LMBRD1: variants seen among roughly 807,000 people sequenced by gnomAD.
The protein encoded by LMBRD1 is LMBR1 domain containing 1.
LMBRD1 carries 64 observed loss-of-function variants against 74.8 expected under a neutral mutation model. The observed-to-expected ratio is 0.86, with a 90% CI of 0.70 to 1.05. The LOEUF (loss-of-function observed/expected upper bound fraction) is 1.05. Ranked by LOEUF, LMBRD1 falls within the 50% of genes least tolerant of loss-of-function variation. The pLI, the probability that LMBRD1 is intolerant of heterozygous loss-of-function variation, is 0.00. For missense variants in LMBRD1, 652 were observed against 645.9 expected, an observed-to-expected ratio of 1.01 and a Z score of -0.10; for synonymous variants, 204 against 216.3, an observed-to-expected ratio of 0.94 and a Z score of 0.50.
At chr6:69,696,165 G>A (rs944775722) in intron 14 of LMBRD1, among the ~76,000 whole-genome samples, 1 of 152,170 alleles carries the variant, frequency 6.6e-6, no homozygotes, top group Non-Finnish European at 1.5e-5. Flanking sequence ...TAACTAGAGT[G>A]TCATGCTAGA....
rs117213057 is a variant in LMBRD1, at chr6:69,789,645, C to T, written c.246+651G>A. ...ATGTATTATTAAGATAAATGAAAAACTATTTCATTCAAATATTTAAGTACT... is the reference window on the plus strand; with the variant it reads ...ATGTATTATTAAGATAAATGAAAAATTATTTCATTCAAATATTTAAGTACT... On this transcript the variant is annotated intron_variant, in intron 2 of 15. Transcript: ENST00000649934. Among the ~76,000 whole-genome samples the T allele has an allele frequency of 9.8e-4, 149 of 152,080 alleles. 1 individual carries two copies. The East Asian group carries it at 0.021, about 21-fold the overall frequency.
chr6:69,715,126 A>G (rs73485519), intron 8 of LMBRD1, among the ~76,000 whole-genome samples: 16,917 of 152,092 alleles, frequency 0.11, 2,639 homozygotes, highest in African/African-American at 0.35. Context: ...GAGTAATAAA[A>G]TGAACACTCC....
At chr6:69,706,968 T>A (rs1359332684) in intron 9 of LMBRD1, among the ~76,000 whole-genome samples, 1 of 152,190 alleles carries the variant, frequency 6.6e-6, no homozygotes, top group Non-Finnish European at 1.5e-5. Context: ...GCTCGAGGTC[T>A]CACAGGCCCA....
intron 3 of LMBRD1, among the ~76,000 whole-genome samples, chr6:69,774,958 GAA>G (rs1454417736): frequency 0.032 from 1,000 of 31,390 alleles, 39 homozygotes; most frequent in African/African-American, 0.11. Flanking sequence ...TGGAAGGAAG[GAA>G]GGAAGGAAGG....
chr6:69,758,096 G>C (rs1765304770), intron 3 of LMBRD1, among the ~76,000 whole-genome samples: 1 of 152,064 alleles, frequency 6.6e-6, no homozygotes, highest in Non-Finnish European at 1.5e-5. Context: ...CATATACGAA[G>C]CAACAATCTA....
chr6:69,765,430 G>T lies in LMBRD1; in HGVS notation c.308-13074C>A, dbSNP rs1765458324. Reference sequence around the variant, plus strand: ...AAATCAATTGACCATGAATATAAAGGTTTATTTTTGGACTCTGAATTTTAT... The same window carrying T: ...AAATCAATTGACCATGAATATAAAGTTTTATTTTTGGACTCTGAATTTTAT... On this transcript the variant is annotated intron_variant, in intron 3 of 15. Transcript: ENST00000649934. 3.3e-5 allele frequency among the ~76,000 whole-genome samples: 5 copies of T among 151,982 alleles called. No individual in the cohort carries two copies. The South Asian group carries it at 8.3e-4, about 25-fold the overall frequency.
intron 8 of LMBRD1, among the ~76,000 whole-genome samples, chr6:69,714,540 T>C (rs962919223): frequency 6.6e-6 from 1 of 152,076 alleles, no homozygotes; most frequent in South Asian, 2.1e-4. Flanking sequence ...AAAGGTAAAA[T>C]ATAAAATTGT....
Position 69,780,508 on chromosome 6 carries a change from A to C in LMBRD1, c.293T>G (p.Leu98Ter). ...AAGATACTTACTATAGTAACCGTATAATACAGTGTCCTCAATCTGTCTGCT... is the reference window on the plus strand; with the variant it reads ...AAGATACTTACTATAGTAACCGTATCATACAGTGTCCTCAATCTGTCTGCT... ...NVSRQIEDTV[L>*]YGYYTLYSVI... Residue 98 changes from leucine to a stop codon, truncating the protein, a stop_gained, in exon 3 of 16, where the codon TTA becomes TGA. Transcript: ENST00000649934. LOFTEE classifies it high-confidence loss of function. 1 of 1,609,056 alleles carries C rather than the reference A, an allele frequency of 6.2e-7. No individual in the cohort carries two copies. Among genetic ancestry groups the C allele is most frequent in the Non-Finnish European group, 8.5e-7 (1 of 1,175,444 alleles).
At chr6:69,742,514 GAATA>G in intron 5 of LMBRD1, among the ~76,000 whole-genome samples, 1 of 152,140 alleles carries the variant, frequency 6.6e-6, no homozygotes, top group Non-Finnish European at 1.5e-5. Context: ...GGAAACGATA[GAATA>G]AATAAATGTG....
intron 3 of LMBRD1, among the ~76,000 whole-genome samples, chr6:69,753,583 G>A (rs1765209282): frequency 6.6e-6 from 1 of 152,148 alleles, no homozygotes; most frequent in Admixed American, 6.5e-5. Flanking sequence ...TCTACTTCCA[G>A]GTGTATGCAC....
Position 69,776,633 on chromosome 6 carries a change from C to T in LMBRD1, c.307+3861G>A, listed in dbSNP as rs150716158. 3.9e-5 allele frequency among the ~76,000 whole-genome samples: 6 copies of T among 152,226 alleles called. No homozygotes were observed. The East Asian group carries it at 1.2e-3, about 29-fold the overall frequency. On this transcript the variant is annotated intron_variant, in intron 3 of 15. Transcript: ENST00000649934. ...AAGACAATTAAAGCATAAGTAGGTC[C>T]CATGGAGTCAATGCTTAGCCGCCTT...
chr6:69,717,871 AT>A (rs929068689), intron 8 of LMBRD1, among the ~76,000 whole-genome samples: 1 of 151,648 alleles, frequency 6.6e-6, no homozygotes, highest in Non-Finnish European at 1.5e-5. Context: ...AAGTTTTTGT[AT>A]TTTTTTTGTA....
chr6:69,701,626 G>T, intron 10 of LMBRD1, 81 bp from the exon 11 acceptor site: 1 of 836,800 alleles, frequency 1.2e-6, no homozygotes, highest in Non-Finnish European at 2.0e-6. Context: ...ATTTAAGCAT[G>T]CAAATACACC....
At chr6:69,786,219 A>G (rs1446496017) in intron 2 of LMBRD1, among the ~76,000 whole-genome samples, 1 of 152,234 alleles carries the variant, frequency 6.6e-6, no homozygotes, top group Non-Finnish European at 1.5e-5. Context: ...AATATTAAGT[A>G]AATAAACATA....
At chr6:69,727,495 T>C (rs1225037664) in intron 7 of LMBRD1, among the ~76,000 whole-genome samples, 2 of 152,322 alleles carry the variant, frequency 1.3e-5, no homozygotes, top group Non-Finnish European at 2.9e-5. Flanking sequence ...ATCAAATGTA[T>C]ACTTTCAAAA....
chr6:69,699,169 T>C lies in LMBRD1; in HGVS notation c.1212A>G (p.Arg404=). 3 of 1,611,814 alleles carry C rather than the reference T, an allele frequency of 1.9e-6. No individual in the cohort carries two copies. The highest frequency in any genetic ancestry group is 2.5e-6 in the Non-Finnish European group (3 of 1,178,310). Residue 404 remains arginine, a synonymous_variant, in exon 13 of 16, where the codon AGA becomes AGG. Transcript: ENST00000649934. The part of the protein sequence containing the change: ...WIRLYKIRRG[R]TRPQALLFLC... ...GAAAAAGGAGTGCTTGGGGCCTGGTTCTACCTCTTCTGATTTTATATAACT... is the reference window on the plus strand; with the variant it reads ...GAAAAAGGAGTGCTTGGGGCCTGGTCCTACCTCTTCTGATTTTATATAACT...
intron 5 of LMBRD1, among the ~76,000 whole-genome samples, chr6:69,744,638 T>C (rs1767178260): frequency 6.6e-6 from 1 of 152,212 alleles, no homozygotes; most frequent in African/African-American, 2.4e-5. Flanking sequence ...GTTCACTTCT[T>C]ACACTCCATC....
intron 2 of LMBRD1, among the ~76,000 whole-genome samples, chr6:69,787,020 T>C (rs1582164293): frequency 6.6e-6 from 1 of 152,226 alleles, no homozygotes; most frequent in African/African-American, 2.4e-5. Flanking sequence ...GCATTCATCA[T>C]GGAAAACAAT....
At chr6:69,697,865 T>G (rs2445967) in intron 13 of LMBRD1, among the ~76,000 whole-genome samples, 1 of 151,940 alleles carries the variant, frequency 6.6e-6, no homozygotes, top group Non-Finnish European at 1.5e-5. Context: ...TTGAACAACA[T>G]GGCTTCTTCC....
Sources: gnomAD v4.1 joint callset for allele counts (sites outside exome capture counted in the v4.1 genomes callset) on GRCh38, gnomAD v4.1.1 for gene constraint, MANE v1.5 for transcripts, NCBI Gene and HGNC (gene_info 2026-07-23, HGNC 2026-07-21) for gene names.